Variants in ARHGAP28 observed in about 807,000 individuals in gnomAD.
ARHGAP28 encodes Rho GTPase activating protein 28.
In ARHGAP28, 56 loss-of-function variants were observed where a neutral mutation model predicts 90.7. The observed-to-expected ratio is 0.62, with a 90% CI of 0.50 to 0.77. The LOEUF (loss-of-function observed/expected upper bound fraction) is 0.77. Among genes scored for constraint, ARHGAP28 ranks in the 30% least tolerant of loss-of-function variants. ARHGAP28 has a pLI of 0.00. For synonymous variants in ARHGAP28, 308 were observed against 323.3 expected (o/e 0.95, Z 0.51); for missense variants, 869 against 900.9 (o/e 0.96, Z 0.45).
intron 4 of ARHGAP28, among the ~76,000 whole-genome samples, chr18:6,853,591 G>A (rs1350736286): frequency 6.6e-6 from 1 of 151,812 alleles, no homozygotes; most frequent in African/African-American, 2.4e-5. Flanking sequence ...TCCTGCCTCA[G>A]CCTCCCAAGT....
At chr18:6,839,310 T>TTC (rs2056779759) in intron 3 of ARHGAP28, among the ~76,000 whole-genome samples, 1 of 151,270 alleles carries the variant, frequency 6.6e-6, no homozygotes, top group Non-Finnish European at 1.5e-5. Flanking sequence ...TTTTTTTTTT[T>TTC]TGAGACAGCG....
chr18:6,825,092 G>C (rs2056652899), intron 2 of ARHGAP28, 128 bp downstream of exon 2: 2 of 893,170 alleles, frequency 2.2e-6, no homozygotes, highest in Admixed American at 6.1e-5. Context: ...CTGGCATATT[G>C]ATGATCTACT....
intron 1 of ARHGAP28, among the ~76,000 whole-genome samples, chr18:6,757,282 T>A (rs1374239152): frequency 6.6e-6 from 1 of 152,134 alleles, no homozygotes; most frequent in Non-Finnish European, 1.5e-5. Flanking sequence ...AAAACCCTAT[T>A]AGACATTCGC....
intron 2 of ARHGAP28, among the ~76,000 whole-genome samples, chr18:6,831,370 C>G (rs2056713452): frequency 1.3e-5 from 2 of 151,368 alleles, no homozygotes; most frequent in Admixed American, 1.3e-4. Context: ...TGTGACTTGT[C>G]CATTCATATT....
intron 1 of ARHGAP28, among the ~76,000 whole-genome samples, chr18:6,763,370 A>G (rs925251332): frequency 6.6e-6 from 1 of 152,164 alleles, no homozygotes; most frequent in Non-Finnish European, 1.5e-5. Context: ...AGTATGAGCC[A>G]CCACTCCTGG....
At chr18:6,787,144 T>C (rs1242120540) in intron 1 of ARHGAP28, among the ~76,000 whole-genome samples, 10 of 146,578 alleles carry the variant, frequency 6.8e-5, no homozygotes, top group Non-Finnish European at 1.5e-5. Context: ...TGCTTGAACC[T>C]GGGAGGCGGA....
At chr18:6,848,205 A>G (rs890478215) in intron 3 of ARHGAP28, among the ~76,000 whole-genome samples, 1 of 152,200 alleles carries the variant, frequency 6.6e-6, no homozygotes. Context: ...TTGCCAGCCC[A>G]GGGGCCTGCC....
At chr18:6,741,409 C>G (rs1440573012) in intron 1 of ARHGAP28, among the ~76,000 whole-genome samples, 1 of 152,136 alleles carries the variant, frequency 6.6e-6, no homozygotes, top group East Asian at 2.0e-4. Flanking sequence ...GGACTCCCAC[C>G]TCTTCCAGCT....
At chr18:6,818,790 A>G (rs1394223065) in intron 1 of ARHGAP28, among the ~76,000 whole-genome samples, 3 of 152,208 alleles carry the variant, frequency 2.0e-5, no homozygotes, top group Non-Finnish European at 4.4e-5. Flanking sequence ...TTTTTAGAGA[A>G]ACTGAGGAAA....
At position 6,872,915 on chromosome 18, in the gene ARHGAP28, G is replaced by A. The variant is rs527811574; in HGVS notation, c.955-494G>A. Among the ~76,000 whole-genome samples the A allele has an allele frequency of 7.2e-5, 11 of 152,078 alleles. No homozygotes were observed. In the South Asian group the frequency reaches 2.1e-3, roughly 29 times the overall value. On this transcript the variant is annotated intron_variant, in intron 7 of 17. Transcript: ENST00000383472. ...AAGCATATATAATCAGTTTAAACTG[G>A]GAGATTACTAAAAGTCTCTTAAAGT...
At chr18:6,846,296 A>G (rs1304844368) in intron 3 of ARHGAP28, among the ~76,000 whole-genome samples, 1 of 152,110 alleles carries the variant, frequency 6.6e-6, no homozygotes, top group African/African-American at 2.4e-5. Flanking sequence ...GATGGCGATG[A>G]TGATGATGAT....
At chr18:6,837,149 A>G (rs533206539) in intron 2 of ARHGAP28, 48 bp from the exon 3 acceptor site, 2 of 1,394,836 alleles carry the variant, frequency 1.4e-6, no homozygotes, top group East Asian at 2.5e-5. Flanking sequence ...ATGGCATCCA[A>G]TCATACAGAA....
chr18:6,858,195 A>G (rs1025818767), intron 4 of ARHGAP28, among the ~76,000 whole-genome samples: 1 of 152,090 alleles, frequency 6.6e-6, no homozygotes, highest in Non-Finnish European at 1.5e-5. Context: ...GTTGCTGTCT[A>G]CATATTTACG....
chr18:6,813,217 A>G (rs919189704), intron 1 of ARHGAP28, among the ~76,000 whole-genome samples: 1 of 152,216 alleles, frequency 6.6e-6, no homozygotes, highest in African/African-American at 2.4e-5. Context: ...CGAATTATTG[A>G]TGCCATTTCA....
At chr18:6,888,215 A>G (rs1007852051) in intron 12 of ARHGAP28, among the ~76,000 whole-genome samples, 4 of 152,180 alleles carry the variant, frequency 2.6e-5, no homozygotes, top group Admixed American at 1.3e-4. Flanking sequence ...TTTATTTCAC[A>G]TTCATTCTTT....
At chr18:6,779,550 G>A (rs2143468984) in intron 1 of ARHGAP28, among the ~76,000 whole-genome samples, 1 of 152,260 alleles carries the variant, frequency 6.6e-6, no homozygotes, top group East Asian at 1.9e-4. Flanking sequence ...ATTCTACAAA[G>A]TTTCAATATA....
chr18:6,792,145 G>C (rs1480510171), intron 1 of ARHGAP28, among the ~76,000 whole-genome samples: 2 of 152,134 alleles, frequency 1.3e-5, no homozygotes, highest in Non-Finnish European at 2.9e-5. Context: ...ATGGTTACCT[G>C]GAGATGGACG....
chr18:6,827,796 CG>C (rs1396942252), intron 2 of ARHGAP28, among the ~76,000 whole-genome samples: 5 of 151,936 alleles, frequency 3.3e-5, no homozygotes, highest in Non-Finnish European at 7.4e-5. Context: ...ACGGGGCGGC[CG>C]GGCAGAGACG....
At chr18:6,811,360 G>A (rs918605052) in intron 1 of ARHGAP28, among the ~76,000 whole-genome samples, 4 of 152,178 alleles carry the variant, frequency 2.6e-5, no homozygotes, top group African/African-American at 9.7e-5. Context: ...AGAAGGACAA[G>A]AATCTTCATT....
Sources: gnomAD v4.1 joint callset for allele counts (sites outside exome capture counted in the v4.1 genomes callset) on GRCh38, gnomAD v4.1.1 for gene constraint, MANE v1.5 for transcripts, NCBI Gene and HGNC (gene_info 2026-07-23, HGNC 2026-07-21) for gene names.